ACSS3: variants seen among roughly 807,000 people sequenced by gnomAD.
ACSS3 encodes acyl-CoA synthetase short chain family member 3, also known as acyl-CoA synthetase short-chain family member 3, mitochondrial.
Under a neutral mutation model 84.2 loss-of-function variants are expected in ACSS3, and 64 were observed. The ratio of observed to expected loss-of-function variants is 0.76; its 90% confidence interval spans 0.62 to 0.94. The LOEUF (loss-of-function observed/expected upper bound fraction) is 0.94. Among genes scored for constraint, ACSS3 ranks in the 40% least tolerant of loss-of-function variants. ACSS3 has a pLI of 0.00. For synonymous variants in ACSS3, 317 were observed against 310.1 expected (o/e 1.02, Z -0.23); for missense variants, 815 against 867.6 (o/e 0.94, Z 0.76).
chr12:81,181,173 A>G (rs918837500), intron 8 of ACSS3, among the ~76,000 whole-genome samples: 1 of 152,192 alleles, frequency 6.6e-6, no homozygotes, highest in Non-Finnish European at 1.5e-5. Context: ...TAGAAAGACA[A>G]GAACAGTAGG....
intron 3 of ACSS3, among the ~76,000 whole-genome samples, chr12:81,136,600 C>T (rs1198549396): frequency 6.6e-6 from 1 of 151,838 alleles, no homozygotes; most frequent in Admixed American, 6.6e-5. Context: ...TCCAAAAAGG[C>T]AGAAAAAGAA....
chr12:81,084,401 T>C (rs1881185782), intron 1 of ACSS3, among the ~76,000 whole-genome samples: 1 of 152,104 alleles, frequency 6.6e-6, no homozygotes, highest in Non-Finnish European at 1.5e-5. Context: ...AAAATTAAAT[T>C]ACACATAGTG....
At chr12:81,122,225 G>A (rs1222856165) in intron 2 of ACSS3, among the ~76,000 whole-genome samples, 9 of 151,968 alleles carry the variant, frequency 5.9e-5, no homozygotes, top group Admixed American at 3.3e-4. Context: ...ATGAGCCACC[G>A]CGCCCAGCCT....
At chr12:81,131,350 G>T (rs953122810) in intron 2 of ACSS3, among the ~76,000 whole-genome samples, 2 of 152,134 alleles carry the variant, frequency 1.3e-5, no homozygotes, top group Admixed American at 1.3e-4. Flanking sequence ...CACATCCCTT[G>T]TAAGTTGGAT....
intron 9 of ACSS3, among the ~76,000 whole-genome samples, chr12:81,209,598 A>G (rs1402493396): frequency 1.3e-5 from 2 of 152,096 alleles, no homozygotes; most frequent in Non-Finnish European, 2.9e-5. Flanking sequence ...GGGTTCTTGG[A>G]CCTCACACAA....
In ACSS3 at chr12:81,220,038, A is replaced by G. The variant is rs2033049593; in HGVS notation, c.1476A>G (p.Gln492=). Residue 492 remains glutamine, a synonymous_variant, in exon 11 of 16, where the codon CAA becomes CAG. Coordinates refer to ENST00000548058, the MANE Select transcript of ACSS3 (RefSeq NM_024560.4). ...TTATGATTTTGGATGACAACATGCA[A>G]AAACTGAAGGCTCGGTGTTTAGGAA... The part of the protein sequence containing the change: ...YNVMILDDNM[Q]KLKARCLGNI... 6.5e-7 allele frequency: 1 copy of G among 1,543,774 alleles called. No individual in the cohort carries two copies.
chr12:81,150,153 A>G (rs1219339958), intron 5 of ACSS3, among the ~76,000 whole-genome samples: 1 of 152,118 alleles, frequency 6.6e-6, no homozygotes, highest in African/African-American at 2.4e-5. Flanking sequence ...CCTCTGTACC[A>G]TATGGTCTAA....
chr12:81,105,997 G>A (rs1882963277), intron 1 of ACSS3, among the ~76,000 whole-genome samples: 1 of 152,300 alleles, frequency 6.6e-6, no homozygotes, highest in East Asian at 1.9e-4. Context: ...TTTGTAATCA[G>A]TACAGCTGGA....
Position 81,196,954 on chromosome 12 carries a change from A to T in ACSS3, c.1251-2387A>T, listed in dbSNP as rs191052116. On this transcript the variant is annotated intron_variant, in intron 8 of 15. Transcript: ENST00000548058. ...AGGGAACAGGTATCCTAACTATATC[A>T]CCAATTTAGTTCATCCTCATGGCTC... Among the ~76,000 whole-genome samples the T allele has an allele frequency of 4.1e-4, 62 of 152,274 alleles. 1 individual carries two copies. In the East Asian group the frequency reaches 0.012, roughly 28 times the overall value.
At chr12:81,143,082 A>T in intron 4 of ACSS3, 25 bp from the exon 5 acceptor site, 1 of 1,603,798 alleles carries the variant, frequency 6.2e-7, no homozygotes, top group South Asian at 1.1e-5. Context: ...ATTACAGTAC[A>T]TATTCTTATA....
chr12:81,148,639 C>T (rs777498347), intron 5 of ACSS3, among the ~76,000 whole-genome samples: 4 of 151,988 alleles, frequency 2.6e-5, no homozygotes, highest in South Asian at 2.1e-4. Context: ...TTTCAAGTTC[C>T]GCAGACATCT....
chr12:81,214,096 G>A (rs1028231185), intron 9 of ACSS3, among the ~76,000 whole-genome samples: 3 of 149,920 alleles, frequency 2.0e-5, no homozygotes, highest in African/African-American at 7.4e-5. Flanking sequence ...TGTGATCTCG[G>A]CTCACTGCAA....
intron 1 of ACSS3, among the ~76,000 whole-genome samples, chr12:81,099,645 A>C (rs921428569): frequency 2.0e-5 from 3 of 152,244 alleles, no homozygotes; most frequent in African/African-American, 7.2e-5. Flanking sequence ...TCTGTAGCTC[A>C]GTAACCAAAT....
Position 81,139,227 on chromosome 12 carries a change from A to G in ACSS3, c.742A>G (p.Lys248Glu). 6.2e-7 allele frequency: 1 copy of G among 1,614,064 alleles called. No homozygotes were observed. Among genetic ancestry groups the G allele is most frequent in the Non-Finnish European group, 8.5e-7 (1 of 1,179,960 alleles). Residue 248 changes from lysine (K) to glutamate (E), a missense_variant, in exon 4 of 16, where the codon AAA becomes GAA. Physicochemically the swap from Lys to Glu is moderately conservative, Grantham distance 56 (BLOSUM62 1). Transcript: ENST00000548058. Reference protein sequence around the residue: ...VEEALKIGQHKPDKILIYNRP... With the variant: ...VEEALKIGQHEPDKILIYNRP... Reference sequence around the variant, plus strand: ...AGAAGCGCTAAAAATAGGACAACACAAACCAGACAAAATTCTCATTTATAA... The same window carrying G: ...AGAAGCGCTAAAAATAGGACAACACGAACCAGACAAAATTCTCATTTATAA...
chr12:81,208,501 G>A (rs2032444471), intron 9 of ACSS3, among the ~76,000 whole-genome samples: 1 of 151,958 alleles, frequency 6.6e-6, no homozygotes, highest in Non-Finnish European at 1.5e-5. Flanking sequence ...AAGACCTTTT[G>A]ATCTTGAGTA....
chr12:81,106,821 C>T (rs1883046350), intron 1 of ACSS3, among the ~76,000 whole-genome samples: 1 of 152,018 alleles, frequency 6.6e-6, no homozygotes, highest in African/African-American at 2.4e-5. Flanking sequence ...GAGAACCAAA[C>T]CATTACAGAG....
Position 81,202,966 on chromosome 12 carries a change from A to G in ACSS3, c.1354+3522A>G, listed in dbSNP as rs554027849. On this transcript the variant is annotated intron_variant, in intron 9 of 15. Transcript: ENST00000548058. The stretch of plus-strand genomic sequence containing the variant: ...ATACTTTTTAGAGAGATTGGCTGAC[A>G]TGATTATGGAGACTGAGAAGTCCTG... Among the ~76,000 whole-genome samples the G allele has an allele frequency of 5.3e-5, 8 of 152,312 alleles. No homozygotes were observed. The East Asian group carries it at 1.4e-3, about 26-fold the overall frequency.
rs1380370413 is a variant in ACSS3, at chr12:81,258,332, T to G, written c.*3410T>G. ...GTTATCATTACCTTTTGACTGAATC[T>G]GTTAAATAAAAATAGACATCAAAAC... On this transcript the variant is annotated 3_prime_UTR_variant, in exon 16 of 16. Coordinates refer to ENST00000548058, the MANE Select transcript of ACSS3 (RefSeq NM_024560.4). The G allele has an allele frequency of 1.4e-4, 21 of 152,164 alleles. No homozygotes were observed. 9.4% of individuals were successfully genotyped at this position (152,164 alleles called of 1,614,324 possible).
chr12:81,239,845 T>G (rs1405604660), intron 13 of ACSS3, among the ~76,000 whole-genome samples: 1 of 151,970 alleles, frequency 6.6e-6, no homozygotes, highest in Non-Finnish European at 1.5e-5. Flanking sequence ...AAATAACAGT[T>G]TGTTCATACT....
Sources: gnomAD v4.1 joint callset for allele counts (sites outside exome capture counted in the v4.1 genomes callset) on GRCh38, gnomAD v4.1.1 for gene constraint, MANE v1.5 for transcripts, NCBI Gene and HGNC (gene_info 2026-07-23, HGNC 2026-07-21) for gene names.